CAMTA1: variants seen among roughly 807,000 people sequenced by gnomAD.
The protein encoded by CAMTA1 is calmodulin-binding transcription activator 1.
A neutral mutation model predicts 170.9 loss-of-function variants in CAMTA1; 27 were observed. The ratio of observed to expected loss-of-function variants is 0.16; its 90% CI spans 0.12 to 0.22. The LOEUF (loss-of-function observed/expected upper bound fraction) is 0.22, where lower values mean the gene tolerates loss of function less well. Among genes scored for constraint, CAMTA1 ranks in the 10% least tolerant of loss-of-function variants. CAMTA1 has a pLI of 1.00. For synonymous variants in CAMTA1, 833 were observed against 891.5 expected, an observed-to-expected ratio of 0.93 and a Z score of 1.17; for missense variants, 1,619 against 2,217.2, an observed-to-expected ratio of 0.73 and a Z score of 5.42.
At chr1:7,483,519 G>T (rs2093570159) in intron 6 of CAMTA1, among the ~76,000 whole-genome samples, 1 of 152,212 alleles carries the variant, frequency 6.6e-6, no homozygotes, top group Admixed American at 6.5e-5. Flanking sequence ...GAAGAAGCAA[G>T]TTCCCTTCCT....
chr1:7,493,471 A>G (rs2950164), intron 6 of CAMTA1, among the ~76,000 whole-genome samples: 99,616 of 150,660 alleles, frequency 0.66, 34,122 homozygotes, highest in African/African-American at 0.83. Flanking sequence ...ACACAAAAAC[A>G]TATAAACAGG....
At chr1:7,180,927 T>A (rs1652020961) in intron 4 of CAMTA1, among the ~76,000 whole-genome samples, 1 of 152,222 alleles carries the variant, frequency 6.6e-6, no homozygotes, top group African/African-American at 2.4e-5. Context: ...CACCTGAATC[T>A]GAAAAGGCAA....
chr1:7,524,382 G>A (rs578069307), intron 6 of CAMTA1, among the ~76,000 whole-genome samples: 2 of 152,018 alleles, frequency 1.3e-5, no homozygotes, highest in South Asian at 4.1e-4. Flanking sequence ...GATTTTTTTT[G>A]TAGATTTCTT....
intron 1 of CAMTA1, among the ~76,000 whole-genome samples, chr1:6,803,643 G>C (rs1644154103): frequency 6.6e-6 from 1 of 152,212 alleles, no homozygotes; most frequent in Non-Finnish European, 1.5e-5. Context: ...AAACAAAAGA[G>C]GAAAGTGTAT....
chr1:6,992,224 C>T (rs934559948), intron 3 of CAMTA1, among the ~76,000 whole-genome samples: 5 of 151,934 alleles, frequency 3.3e-5, no homozygotes, highest in African/African-American at 1.2e-4. Flanking sequence ...TGCACACCAC[C>T]AGGCCGGCTA....
At chr1:7,101,947 T>G (rs1019846854) in intron 4 of CAMTA1, among the ~76,000 whole-genome samples, 1 of 151,740 alleles carries the variant, frequency 6.6e-6, no homozygotes, top group African/African-American at 2.4e-5. Context: ...CAAGCAAATA[T>G]TCAACACATA....
intron 3 of CAMTA1, among the ~76,000 whole-genome samples, chr1:6,940,971 G>A (rs1477449147): frequency 7.5e-6 from 1 of 132,772 alleles, no homozygotes; most frequent in African/African-American, 2.7e-5. Flanking sequence ...GCAAGGTGGG[G>A]GGATCCTTGC....
intron 4 of CAMTA1, among the ~76,000 whole-genome samples, chr1:7,176,784 CCCCTGGCTGTGCCATCTTGGGCAGGCCCT>C (rs1411265492): frequency 6.6e-6 from 1 of 152,178 alleles, no homozygotes. Flanking sequence ...GGTCAGGCCA[CCCCTGGCTGTGCCATCTTGGGCAGGCCCT>C]GTGACCAGTG....
intron 6 of CAMTA1, among the ~76,000 whole-genome samples, chr1:7,575,619 A>G (rs1004981421): frequency 3.3e-5 from 5 of 152,264 alleles, no homozygotes; most frequent in Non-Finnish European, 5.9e-5. Flanking sequence ...CAGCAAAACC[A>G]TGGCCAAAAG....
intron 1 of CAMTA1, among the ~76,000 whole-genome samples, chr1:6,814,194 G>GCA (rs1165897353): frequency 1.3e-5 from 2 of 152,176 alleles, no homozygotes; most frequent in Non-Finnish European, 2.9e-5. Context: ...GATTGAAAAT[G>GCA]GAGTTGTAGG....
chr1:7,386,177 T>G (rs1331242514), intron 5 of CAMTA1, among the ~76,000 whole-genome samples: 1 of 152,224 alleles, frequency 6.6e-6, no homozygotes, highest in African/African-American at 2.4e-5. Context: ...TGAGCCCGTC[T>G]TTTCATCTGG....
intron 11 of CAMTA1, among the ~76,000 whole-genome samples, chr1:7,730,919 T>TCG (rs2096727431): frequency 9.3e-6 from 1 of 107,046 alleles, no homozygotes; most frequent in Non-Finnish European, 2.1e-5. Context: ...TCTCTCTCTC[T>TCG]CTCTCTCTCT....
chr1:7,543,245 T>A (rs973657379), intron 6 of CAMTA1, among the ~76,000 whole-genome samples: 1 of 152,214 alleles, frequency 6.6e-6, no homozygotes, highest in African/African-American at 2.4e-5. Flanking sequence ...GTTGGACATC[T>A]GTGATGCTTC....
chr1:7,412,937 G>T (rs34510788), intron 5 of CAMTA1, among the ~76,000 whole-genome samples: 1 of 151,712 alleles, frequency 6.6e-6, no homozygotes, highest in Non-Finnish European at 1.5e-5. Context: ...TTTGTTTAAG[G>T]TGTAAGGAAG....
In CAMTA1 at chr1:7,490,652, C is replaced by CAA. The variant is rs35431162; in HGVS notation, c.510+22761_510+22762dup. On this transcript the variant is annotated intron_variant, in intron 6 of 22. Transcript: ENST00000303635. Reference sequence around the variant, plus strand: ...GGGTGACGAGAGCGAAACTCCATCTCAAAAAAAAAAAGTGACAAAGCAGCC... The same window carrying CAA: ...GGGTGACGAGAGCGAAACTCCATCTCAAAAAAAAAAAAAGTGACAAAGCAGCC... Among the ~76,000 whole-genome samples, 48 of 148,422 alleles carry CAA rather than the reference C, an allele frequency of 3.2e-4. 1 individual carries two copies. The highest frequency in any genetic ancestry group is 9.9e-4 in the East Asian group (5 of 5,070).
At chr1:6,989,608 AG>A (rs2100393508) in intron 3 of CAMTA1, among the ~76,000 whole-genome samples, 1 of 152,338 alleles carries the variant, frequency 6.6e-6, no homozygotes, top group African/African-American at 2.4e-5. Flanking sequence ...TAAGTGAGGC[AG>A]TAAACCTCTT....
intron 3 of CAMTA1, among the ~76,000 whole-genome samples, chr1:6,974,046 T>G (rs1055590409): frequency 2.6e-5 from 4 of 152,226 alleles, no homozygotes; most frequent in Admixed American, 1.3e-4. Flanking sequence ...ATTTAACGTT[T>G]GGCCCAGAAT....
Position 7,380,761 on chromosome 1 carries a change from A to C in CAMTA1, c.439-87069A>C, listed in dbSNP as rs1342735489. ...ACAAACAGTCCTCCCTTCTGATGCC[A>C]GGCAGGGTTAGGCACTTTGGGCTCT... On this transcript the variant is annotated intron_variant, in intron 5 of 22. Coordinates refer to ENST00000303635, the MANE Select transcript of CAMTA1 (RefSeq NM_015215.4). Among the ~76,000 whole-genome samples, 5 of 152,220 alleles carry C rather than the reference A, an allele frequency of 3.3e-5. 1 individual carries two copies. The highest frequency in any genetic ancestry group is 1.2e-4 in the African/African-American group (5 of 41,462).
At chr1:7,323,367 T>A (rs1034659579) in intron 5 of CAMTA1, among the ~76,000 whole-genome samples, 10 of 152,166 alleles carry the variant, frequency 6.6e-5, no homozygotes, top group African/African-American at 1.9e-4. Context: ...TGTGGCTTGC[T>A]CCCCCATGGC....
Sources: allele counts gnomAD v4.1 joint callset (sites outside exome capture counted in the v4.1 genomes callset), GRCh38; gene constraint gnomAD v4.1.1; transcripts MANE v1.5; gene names NCBI Gene and HGNC (gene_info 2026-07-23, HGNC 2026-07-21).